AFDN: variants seen among roughly 807,000 people sequenced by gnomAD.
AFDN encodes afadin, adherens junction formation factor, also known as afadin.
AFDN carries 68 observed loss-of-function variants against 216.6 expected under a neutral mutation model. That is an observed-to-expected ratio of 0.31 (90% CI 0.26 to 0.38). The LOEUF (loss-of-function observed/expected upper bound fraction) is 0.38. AFDN is among the 10% of genes least tolerant of loss of function. AFDN has a pLI of 1.00. For synonymous variants in AFDN, 868 were observed against 853.7 expected (o/e 1.02, Z -0.29); for missense variants, 2,136 against 2,342.0 (o/e 0.91, Z 1.82).
chr6:167,835,885 G>C (rs1301635841), intron 1 of AFDN, among the ~76,000 whole-genome samples: 1 of 152,124 alleles, frequency 6.6e-6, no homozygotes, highest in Non-Finnish European at 1.5e-5. Context: ...TTTTAGGGCT[G>C]ATTTAAAAAA....
intron 23 of AFDN, among the ~76,000 whole-genome samples, chr6:167,935,436 G>A (rs1462026744): frequency 2.6e-5 from 4 of 152,126 alleles, no homozygotes; most frequent in East Asian, 1.9e-4. Flanking sequence ...GCCTCCAGAC[G>A]GGGAAAAGTG....
At chr6:167,863,887 G>A (rs375108839) in intron 1 of AFDN, 1 of 469,634 alleles carries the variant, frequency 2.1e-6, no homozygotes, top group Non-Finnish European at 4.3e-6. Context: ...TATTAGGTTG[G>A]TGCAAAAGTA....
Position 167,917,123 on chromosome 6 carries a change from C to T in AFDN, c.2600C>T (p.Pro867Leu). 6.2e-7 allele frequency: 1 copy of T among 1,613,358 alleles called. No individual in the cohort carries two copies. The highest frequency in any genetic ancestry group is 8.5e-7 in the Non-Finnish European group (1 of 1,179,764). ...TTGCTTACCATGGATAAGTATGCAC[C>T]TGATGACATTCCAAATATAAACAGC... ...TTLLTMDKYA[P>L]DDIPNINSTC... Residue 867 changes from proline (P) to leucine (L), a missense_variant, in exon 20 of 34, where the codon CCT (proline) becomes CTT (leucine). Around this residue, in one of 8 missense-constraint regions of AFDN, gnomAD observed 162 missense variants for 182.6 expected, o/e 0.89. Transcript: ENST00000683244.
At position 167,969,798 on chromosome 6, in the gene AFDN, C is replaced by A; in HGVS notation, c.5359C>A (p.Pro1787Thr). 6.2e-7 allele frequency: 1 copy of A among 1,610,638 alleles called. No individual in the cohort carries two copies. ...CTTCTGCAGCCAAGATGCAGATTCA[C>A]CTGGAAGTTCTGGGGCCCCTGAAAA... ...KRSKSQDADS[P>T]GSSGAPENLT... is the part of the protein sequence containing the mutation. The change falls in exon 34 of 34, where the codon CCT becomes ACT. Residue 1787 changes from proline (P) to threonine (T), a missense_variant. Physicochemically the swap from Pro to Thr is conservative, Grantham distance 38. Coordinates refer to ENST00000683244, the MANE Select transcript of AFDN (RefSeq NM_001386888.1).
intron 27 of AFDN, 140 bp from the exon 28 acceptor site, chr6:167,947,713 C>T (rs1196424506): frequency 3.6e-6 from 2 of 559,594 alleles, no homozygotes; most frequent in Non-Finnish European, 6.2e-6. Context: ...TTCTTACCTG[C>T]CTTGATTTTT....
intron 2 of AFDN, among the ~76,000 whole-genome samples, chr6:167,867,783 T>C (rs971297264): frequency 6.6e-6 from 1 of 152,194 alleles, no homozygotes; most frequent in Non-Finnish European, 1.5e-5. Flanking sequence ...CCAGCCTCCT[T>C]GTAGCATATC....
At chr6:167,883,297 G>A (rs1786376254) in intron 6 of AFDN, among the ~76,000 whole-genome samples, 1 of 152,110 alleles carries the variant, frequency 6.6e-6, no homozygotes, top group Non-Finnish European at 1.5e-5. Context: ...GAAATATGGT[G>A]GTAAATACTA....
chr6:167,927,810 G>A (rs1583441612), intron 23 of AFDN, among the ~76,000 whole-genome samples: 1 of 152,100 alleles, frequency 6.6e-6, no homozygotes, highest in South Asian at 2.1e-4. Flanking sequence ...CAATTTAAGG[G>A]ACCAGAACTC....
chr6:167,829,498 C>G (rs753580610), intron 1 of AFDN, among the ~76,000 whole-genome samples: 190 of 151,994 alleles, frequency 1.3e-3, no homozygotes, highest in Non-Finnish European at 2.4e-3. Context: ...CATCACAAGT[C>G]CAATTTTTTA....
At position 167,962,502 on chromosome 6, in the gene AFDN, G is replaced by A; in HGVS notation, c.4903G>A (p.Ala1635Thr). 5.0e-6 allele frequency: 8 copies of A among 1,613,814 alleles called. No homozygotes were observed. The highest frequency in any genetic ancestry group is 1.1e-5 in the South Asian group (1 of 91,076). Residue 1635 changes from alanine (A) to threonine (T), a missense_variant, in exon 31 of 34, where the codon GCG becomes ACG. Coordinates refer to ENST00000683244, the MANE Select transcript of AFDN (RefSeq NM_001386888.1). This position sits in a 1 kb window ranked among gnomAD's most constrained non-coding sequence, Gnocchi z 5.2. ...EMRKREAEDR[A>T]RQEEERRRQE... is the part of the protein sequence containing the mutation. ...GCGCAAGCGGGAAGCGGAAGACCGA[G>A]CGAGGCAAGAGGAAGAGCGCCGGCG...
At chr6:167,917,979 C>T (rs1791310965) in intron 20 of AFDN, among the ~76,000 whole-genome samples, 1 of 152,174 alleles carries the variant, frequency 6.6e-6, no homozygotes, top group Non-Finnish European at 1.5e-5. Flanking sequence ...TATCTGTGTA[C>T]ACTTTAGGAA....
At chr6:167,882,790 A>G (rs143654294) in intron 6 of AFDN, among the ~76,000 whole-genome samples, 1,686 of 152,350 alleles carry the variant, frequency 0.011, 39 homozygotes, top group African/African-American at 0.039. Flanking sequence ...GCTTTGACAA[A>G]GACCCAAACC....
chr6:167,907,340 A>G, intron 13 of AFDN, 51 bp downstream of exon 13: 1 of 1,405,538 alleles, frequency 7.1e-7, no homozygotes, highest in Non-Finnish European at 1.0e-6. Context: ...GTATTCCTAA[A>G]AAAGGGTTGG....
chr6:167,893,014 C>T (rs1244418790), intron 8 of AFDN, among the ~76,000 whole-genome samples: 1 of 152,182 alleles, frequency 6.6e-6, no homozygotes, highest in Non-Finnish European at 1.5e-5. Context: ...TCAGGTAATT[C>T]ACACAGTGGG....
intron 6 of AFDN, among the ~76,000 whole-genome samples, chr6:167,882,101 G>C (rs1009485375): frequency 1.3e-5 from 2 of 152,160 alleles, no homozygotes; most frequent in African/African-American, 4.8e-5. Flanking sequence ...GGAGAGAACA[G>C]ATGGAAGTTT....
Position 167,880,792 on chromosome 6 carries a change from C to T in AFDN, c.897+275C>T, listed in dbSNP as rs369733546. ...CAATTGACCACATATACTTGTGGTT[C>T]TTATTCTGGTCTCTTTTCTGTTCCA... On this transcript the variant is annotated intron_variant, in intron 6 of 33. Coordinates refer to ENST00000683244, the MANE Select transcript of AFDN (RefSeq NM_001386888.1). Among the ~76,000 whole-genome samples the T allele has an allele frequency of 1.1e-3, 165 of 152,214 alleles. No homozygotes were observed. The South Asian group carries it at 0.031, about 29-fold the overall frequency.
At chr6:167,906,500 A>AT (rs1175268866) in intron 12 of AFDN, among the ~76,000 whole-genome samples, 2 of 152,108 alleles carry the variant, frequency 1.3e-5, no homozygotes, top group South Asian at 2.1e-4. Context: ...TTTACATGAA[A>AT]TTTTTTCTAC....
At chr6:167,873,295 A>G (rs1430955639) in intron 4 of AFDN, among the ~76,000 whole-genome samples, 2 of 152,152 alleles carry the variant, frequency 1.3e-5, no homozygotes, top group South Asian at 4.1e-4. Flanking sequence ...TTGTCTGGAG[A>G]GGCTTTAAAC....
intron 31 of AFDN, chr6:167,963,046 G>C (rs1797196086): frequency 1.9e-6 from 2 of 1,072,156 alleles, no homozygotes; most frequent in Non-Finnish European, 2.3e-6. Context: ...AAAGAGAGCA[G>C]ATGGCTTAGA....
Sources: gnomAD v4.1 joint callset for allele counts (sites outside exome capture counted in the v4.1 genomes callset) on GRCh38, gnomAD v4.1.1 for gene constraint, gnomAD v4.1.1 regional missense constraint, Gnocchi (gnomAD v3.1) non-coding constraint, MANE v1.5 for transcripts, NCBI Gene and HGNC (gene_info 2026-07-23, HGNC 2026-07-21) for gene names.